Variants in ABCC1 observed in about 807,000 individuals in gnomAD.
ABCC1 encodes ATP binding cassette subfamily C member 1 (ABCC1 blood group), also known as multidrug resistance-associated protein 1.
A neutral mutation model predicts 172.9 loss-of-function variants in ABCC1; 83 were observed. That is an observed-to-expected ratio of 0.48 (90% CI 0.40 to 0.58). ABCC1 has a LOEUF of 0.58. Among genes scored for constraint, ABCC1 ranks in the 20% least tolerant of loss-of-function variants. The pLI, the probability that ABCC1 is intolerant of heterozygous loss-of-function variation, is 0.00. For missense variants in ABCC1, 1,817 were observed against 2,002.7 expected (o/e 0.91, Z 1.77); for synonymous variants, 937 against 825.2 (o/e 1.14, Z -2.32).
At chr16:15,953,771 G>A (rs2045928280) in intron 1 of ABCC1, among the ~76,000 whole-genome samples, 1 of 152,242 alleles carries the variant, frequency 6.6e-6, no homozygotes, top group Admixed American at 6.5e-5. Context: ...CACCAACTCA[G>A]TAACCCCCTG....
chr16:16,111,187 C>T (rs567486423), intron 21 of ABCC1, among the ~76,000 whole-genome samples, 188 bp from the exon 22 acceptor site: 14 of 152,346 alleles, frequency 9.2e-5, no homozygotes, highest in South Asian at 8.3e-4. Context: ...GTGTGAGCCA[C>T]GGCGCCTGGC....
At chr16:16,091,400 T>G (rs1240592565) in intron 19 of ABCC1, among the ~76,000 whole-genome samples, 1 of 77,066 alleles carries the variant, frequency 1.3e-5, no homozygotes, top group Admixed American at 1.6e-4. Context: ...AAACCCCAAC[T>G]CTACAAAAAA....
At chr16:16,006,323 G>T (rs1205514026) in intron 1 of ABCC1, among the ~76,000 whole-genome samples, 2 of 152,060 alleles carry the variant, frequency 1.3e-5, no homozygotes, top group Non-Finnish European at 2.9e-5. Flanking sequence ...GGAGGCAGAG[G>T]TGGGAGGACT....
intron 18 of ABCC1, among the ~76,000 whole-genome samples, chr16:16,089,598 A>G (rs966844054): frequency 6.6e-6 from 1 of 151,852 alleles, no homozygotes; most frequent in Non-Finnish European, 1.5e-5. Flanking sequence ...GGCTGGGCGC[A>G]GCGGCTCACA....
At position 16,135,284 on chromosome 16, in the gene ABCC1, C is replaced by T. The variant is rs558954584; in HGVS notation, c.4125+776C>T. On this transcript the variant is annotated intron_variant, in intron 28 of 30. Coordinates refer to ENST00000399410, the MANE Select transcript of ABCC1 (RefSeq NM_004996.4). ...TCACCCAACTATTGAACAGAGTACC[C>T]GAGAGAGAGTAGTTTCTCAACCATT... Among the ~76,000 whole-genome samples, 122 of 152,198 alleles carry T rather than the reference C, an allele frequency of 8.0e-4. 1 individual carries two copies. Among genetic ancestry groups the T allele is most frequent in the Admixed American group, 3.3e-4 (5 of 15,280 alleles).
At chr16:16,123,955 G>A (rs1348865044) in intron 24 of ABCC1, among the ~76,000 whole-genome samples, 1 of 152,068 alleles carries the variant, frequency 6.6e-6, no homozygotes, top group African/African-American at 2.4e-5. Flanking sequence ...AGGTTGAGGC[G>A]GCAGTGAGCT....
At chr16:16,109,899 T>G (rs1265343123) in intron 21 of ABCC1, among the ~76,000 whole-genome samples, 1 of 152,096 alleles carries the variant, frequency 6.6e-6, no homozygotes, top group African/African-American at 2.4e-5. Flanking sequence ...AAAGTTGGAA[T>G]CCTGACCCGA....
chr16:16,140,119 C>G (rs530719297), intron 30 of ABCC1, among the ~76,000 whole-genome samples: 53 of 152,320 alleles, frequency 3.5e-4, no homozygotes, highest in South Asian at 4.1e-4. Context: ...GCAGCCGGTA[C>G]AGCCGAATGT....
intron 1 of ABCC1, among the ~76,000 whole-genome samples, chr16:15,968,557 A>G (rs1368320997): frequency 1.3e-5 from 2 of 151,016 alleles, no homozygotes; most frequent in Non-Finnish European, 2.9e-5. Flanking sequence ...TTGTATTTTT[A>G]GTAGAGATGG....
intron 5 of ABCC1, among the ~76,000 whole-genome samples, chr16:16,019,756 C>G (rs930299754): frequency 6.6e-6 from 1 of 152,136 alleles, no homozygotes; most frequent in African/African-American, 2.4e-5. Context: ...CTGGGATTTG[C>G]TCTGCCACCC....
In ABCC1 at chr16:16,093,514, A is replaced by C. The variant is rs1045295166; in HGVS notation, c.2644+2926A>C. ...TGCAAATGCCGCCCACCACCCTGGC[A>C]CCTCGTGCGTTCATTTTCCCAGTTT... On this transcript the variant is annotated intron_variant, in intron 19 of 30. Coordinates refer to ENST00000399410, the MANE Select transcript of ABCC1 (RefSeq NM_004996.4). Among the ~76,000 whole-genome samples the C allele has an allele frequency of 9.9e-5, 15 of 152,042 alleles. No individual in the cohort carries two copies. The East Asian group carries it at 2.9e-3, about 29-fold the overall frequency.
chr16:16,087,341 G>T (rs2051050563), intron 18 of ABCC1, among the ~76,000 whole-genome samples: 1 of 152,336 alleles, frequency 6.6e-6, no homozygotes, highest in East Asian at 1.9e-4. Flanking sequence ...AGAGGTGTCT[G>T]TGGGTAGAGG....
Position 16,141,179 on chromosome 16 carries a change from C to G in ABCC1, c.4494C>G (p.Ile1498Met). Reference sequence around the variant, plus strand: ...TGTATCCCCTCTCCCTCAGGGTGATCGTCTTGGACAAAGGAGAAATCCAGG... The same window carrying G: ...TGTATCCCCTCTCCCTCAGGGTGATGGTCTTGGACAAAGGAGAAATCCAGG... ...LNTIMDYTRV[I>M]VLDKGEIQEY... The change falls in exon 31 of 31, where the codon ATC becomes ATG. Residue 1498 changes from isoleucine to methionine, a missense_variant. By Grantham distance (10) the Ile-to-Met change is conservative. Transcript: ENST00000399410. 2.5e-6 allele frequency: 4 copies of G among 1,613,818 alleles called. No homozygotes were observed. The highest frequency in any genetic ancestry group is 3.4e-6 in the Non-Finnish European group (4 of 1,179,820).
At chr16:15,955,031 CG>C (rs2045958595) in intron 1 of ABCC1, among the ~76,000 whole-genome samples, 1 of 152,116 alleles carries the variant, frequency 6.6e-6, no homozygotes, top group Admixed American at 6.5e-5. Context: ...CACTCTGGCT[CG>C]AGTCATCGTT....
intron 5 of ABCC1, 96 bp downstream of exon 5, chr16:16,016,717 C>A: frequency 6.6e-7 from 1 of 1,511,058 alleles, no homozygotes; most frequent in East Asian, 2.3e-5. Context: ...TCCAGGATCT[C>A]GTTCCAGCCT....
At chr16:16,137,837 G>A (rs543327586) in intron 29 of ABCC1, among the ~76,000 whole-genome samples, 1 of 151,736 alleles carries the variant, frequency 6.6e-6, no homozygotes, top group Non-Finnish European at 1.5e-5. Flanking sequence ...CTAGGTGTGA[G>A]CCACTGTGCC....
intron 5 of ABCC1, among the ~76,000 whole-genome samples, chr16:16,028,700 C>T (rs544434722): frequency 2.7e-4 from 41 of 152,294 alleles, no homozygotes; most frequent in South Asian, 1.7e-3. Context: ...ACGACACAGT[C>T]CCATGGGCCT....
chr16:15,968,097 G>A (rs1187176516), intron 1 of ABCC1, among the ~76,000 whole-genome samples: 4 of 152,156 alleles, frequency 2.6e-5, no homozygotes, highest in African/African-American at 9.6e-5. Context: ...CAGTGATCTC[G>A]GCTCACGGCA....
In ABCC1 at chr16:16,111,310, G is replaced by GTGGTGC. The variant is rs111263400; in HGVS notation, c.2872-62_2872-61insTGCTGG. On this transcript the variant is annotated intron_variant, in intron 21 of 30. Coordinates refer to ENST00000399410, the MANE Select transcript of ABCC1 (RefSeq NM_004996.4). ...CAGTGCTGGTGAAGCCCCCGACCTTGTGGGGCTGGGGCTGGGGCTGGGTGC... is the reference window on the plus strand; with the variant it reads ...CAGTGCTGGTGAAGCCCCCGACCTTGTGGTGCTGGGGCTGGGGCTGGGGCTGGGTGC... The GTGGTGC allele has an allele frequency of 1.5e-5, 19 of 1,285,236 alleles. No individual in the cohort carries two copies. In the African/African-American group the frequency reaches 2.2e-4, roughly 15 times the overall value. 79.6% of individuals were successfully genotyped at this position (1,285,236 alleles called of 1,614,324 possible).
Sources: gnomAD v4.1 joint callset for allele counts (sites outside exome capture counted in the v4.1 genomes callset) on GRCh38, gnomAD v4.1.1 for gene constraint, MANE v1.5 for transcripts, NCBI Gene and HGNC (gene_info 2026-07-23, HGNC 2026-07-21) for gene names.